The following AFG2A variants were observed in gnomAD, a reference collection of about 807,000 sequenced individuals.
AFG2A encodes the protein AAA ATPase AFG2A, also known as ATPase family gene 2 protein homolog A.
At chr4:122,965,977 G>T in the AFG2A span, among the ~76,000 whole-genome samples, 1 of 152,066 alleles carries the variant, frequency 6.6e-6, no homozygotes, top group East Asian at 1.9e-4. Context: ...GGCCAAAAGG[G>T]CTAAGTCTTA....
chr4:123,027,679 T>C, the AFG2A span, among the ~76,000 whole-genome samples: 382 of 152,332 alleles, frequency 2.5e-3, 3 homozygotes, highest in Non-Finnish European at 4.4e-3. Context: ...TAAAGAGCTG[T>C]CTTGTTCTGG....
At chr4:123,056,413 T>A in the AFG2A span, 1 of 1,612,782 alleles carries the variant, frequency 6.2e-7, no homozygotes, top group Non-Finnish European at 8.5e-7. Context: ...ATAAATATGT[T>A]GGTGAATCTG....
chr4:122,938,276 G>T, the AFG2A span: 1 of 1,509,450 alleles, frequency 6.6e-7, no homozygotes, highest in East Asian at 2.4e-5. Context: ...TATTGATTCT[G>T]TGTAGGGTTA....
the AFG2A span, among the ~76,000 whole-genome samples, chr4:123,054,323 A>G: frequency 6.6e-6 from 1 of 152,030 alleles, no homozygotes; most frequent in Non-Finnish European, 1.5e-5. Flanking sequence ...GTGGGCATAT[A>G]TGAGCAGGTT....
At chr4:122,951,471 CAT>C in the AFG2A span, among the ~76,000 whole-genome samples, 7 of 152,012 alleles carry the variant, frequency 4.6e-5, no homozygotes, top group Non-Finnish European at 1.0e-4. Flanking sequence ...CACGCACACA[CAT>C]GTAATCAGAT....
chr4:122,923,420 T>G, the AFG2A span: 35 of 1,400,722 alleles, frequency 2.5e-5, no homozygotes, highest in Non-Finnish European at 3.3e-5. Context: ...GTGGCATGGG[T>G]CTGAGAGCGG....
At chr4:122,936,044 G>A in the AFG2A span, 1 of 1,459,688 alleles carries the variant, frequency 6.9e-7, no homozygotes, top group African/African-American at 1.4e-5. Context: ...AGCTTTTATA[G>A]ACAAAGCTTT....
the AFG2A span, among the ~76,000 whole-genome samples, chr4:123,037,190 A>C: frequency 6.6e-6 from 1 of 152,104 alleles, no homozygotes; most frequent in Non-Finnish European, 1.5e-5. Flanking sequence ...TAAAGGGGCA[A>C]AATTGTAAGA....
chr4:122,944,170 T>C, the AFG2A span, among the ~76,000 whole-genome samples: 2 of 152,218 alleles, frequency 1.3e-5, no homozygotes, highest in Non-Finnish European at 2.9e-5. Flanking sequence ...TTCCTGAATC[T>C]GAATGTTGGC....
chr4:123,048,392 C>G, the AFG2A span, among the ~76,000 whole-genome samples: 93 of 152,132 alleles, frequency 6.1e-4, no homozygotes, highest in Non-Finnish European at 1.0e-3. Context: ...CTATTTCTAC[C>G]AAAGAATGCC....
chr4:123,145,850 T>C, the AFG2A span, among the ~76,000 whole-genome samples: 1 of 152,158 alleles, frequency 6.6e-6, no homozygotes, highest in Non-Finnish European at 1.5e-5. Context: ...TTTTAAAGTT[T>C]AATTAACAGT....
At chr4:123,094,472 A>G in the AFG2A span, among the ~76,000 whole-genome samples, 1 of 152,172 alleles carries the variant, frequency 6.6e-6, no homozygotes, top group Non-Finnish European at 1.5e-5. Context: ...TTTAAGCAAT[A>G]TAGGAGTCAA....
the AFG2A span, among the ~76,000 whole-genome samples, chr4:123,301,411 G>C: frequency 3.9e-5 from 6 of 152,110 alleles, no homozygotes; most frequent in Non-Finnish European, 8.8e-5. Context: ...AGAGGAAGCA[G>C]AGACCACCTT....
chr4:123,068,710 G>A, the AFG2A span, among the ~76,000 whole-genome samples: 2 of 145,450 alleles, frequency 1.4e-5, no homozygotes, highest in African/African-American at 5.1e-5. Context: ...GTCCACCACA[G>A]TGCCTAGCAA....
the AFG2A span, among the ~76,000 whole-genome samples, chr4:123,130,679 G>C: frequency 0.15 from 23,109 of 152,182 alleles, 2,157 homozygotes; most frequent in East Asian, 0.45. Flanking sequence ...GGACATTTTA[G>C]ATTGTTTGCA....
the AFG2A span, among the ~76,000 whole-genome samples, chr4:123,119,463 A>G: frequency 2.0e-5 from 3 of 152,170 alleles, no homozygotes; most frequent in Non-Finnish European, 4.4e-5. Flanking sequence ...GAGTCTAGGA[A>G]GTGACATATT....
chr4:123,104,933 G>A, the AFG2A span, among the ~76,000 whole-genome samples: 2 of 152,222 alleles, frequency 1.3e-5, no homozygotes, highest in African/African-American at 4.8e-5. Context: ...TGTAGAAGCC[G>A]TAGCCAGTTA....
chr4:122,946,182 TGGATG>T, the AFG2A span, among the ~76,000 whole-genome samples: 1 of 152,268 alleles, frequency 6.6e-6, no homozygotes, highest in Non-Finnish European at 1.5e-5. Flanking sequence ...TTTGTGTTTA[TGGATG>T]ACCATATTTT....
chr4:122,947,405 T>C, the AFG2A span: 1 of 1,614,108 alleles, frequency 6.2e-7, no homozygotes. Flanking sequence ...CCCCATTTGC[T>C]CACTGAGGCT....
Sources: allele counts gnomAD v4.1 joint callset (sites outside exome capture counted in the v4.1 genomes callset), GRCh38; gene constraint gnomAD v4.1.1; transcripts MANE v1.5; gene names NCBI Gene and HGNC (gene_info 2026-07-23, HGNC 2026-07-21).